Variants in MRPL4 observed in about 807,000 individuals in gnomAD.
The protein encoded by MRPL4 is large ribosomal subunit protein uL4m.
MRPL4 carries 34 observed loss-of-function variants against 34.1 expected under a neutral mutation model. The ratio of observed to expected loss-of-function variants is 1.00; its 90% confidence interval spans 0.76 to 1.33. The LOEUF is 1.33. Among genes scored for constraint, MRPL4 ranks in the 40% most tolerant of loss-of-function variants. The pLI, the probability that MRPL4 is intolerant of heterozygous loss-of-function variation, is 0.00. For missense variants in MRPL4, 402 were observed against 434.6 expected (o/e 0.92, Z 0.67); for synonymous variants, 196 against 188.3 (o/e 1.04, Z -0.33).
chr19:10,257,346 G>A (rs2039861736), intron 5 of MRPL4, among the ~76,000 whole-genome samples: 1 of 152,022 alleles, frequency 6.6e-6, no homozygotes, highest in South Asian at 2.1e-4. Flanking sequence ...ATGCTAACAA[G>A]ATGACTCAGG....
In MRPL4 at chr19:10,259,706, G is replaced by A; in HGVS notation, c.829G>A (p.Asp277Asn). The change falls in exon 9 of 9, where the codon GAC becomes AAC. Residue 277 changes from aspartate to asparagine, a missense_variant. Transcript: ENST00000253099. ...CCTGGAGGACAAGCTGCTCTGGCAG[G>A]ACTCACGTTACAGACCCCTCTACCC... The part of the protein sequence containing the change: ...AFLEDKLLWQ[D>N]SRYRPLYPFS... 1 of 1,613,752 alleles carries A rather than the reference G, an allele frequency of 6.2e-7. No homozygotes were observed. The highest frequency in any genetic ancestry group is 8.5e-7 in the Non-Finnish European group (1 of 1,179,912).
upstream of MRPL4, chr19:10,251,981 C>G (rs2039792602): frequency 3.8e-6 from 2 of 522,082 alleles, no homozygotes; most frequent in Non-Finnish European, 6.7e-6. Context: ...TAGGCTAGGC[C>G]TACGGAAGCT....
chr19:10,252,497 C>T (rs765949195), intron 2 of MRPL4, 34 bp downstream of exon 2: 3 of 1,613,856 alleles, frequency 1.9e-6, no homozygotes, highest in East Asian at 2.2e-5. Context: ...GGAGGGGCGG[C>T]GACAGAGAGG....
chr19:10,259,410 G>A, intron 8 of MRPL4: 2 of 1,408,830 alleles, frequency 1.4e-6, no homozygotes, highest in Non-Finnish European at 1.8e-6. Context: ...GTCAGCAGGT[G>A]ATGAGCTGGG....
Position 10,258,874 on chromosome 19 carries a change from G to A in MRPL4, c.739+189G>A, listed in dbSNP as rs926313581. The A allele has an allele frequency of 2.9e-4, 439 of 1,500,120 alleles. 1 individual carries two copies. In the Middle Eastern group the frequency reaches 4.1e-3, roughly 14 times the overall value. The allele number at this position is 1,500,120 out of a possible 1,614,324, so 92.9% of individuals were successfully genotyped here. ...TGCTTGGCTGGGGATGGTGGCTCAC[G>A]CTTGTAATCCCAGTACTTTGGGAGG... On this transcript the variant is annotated intron_variant, in intron 8 of 8. Coordinates refer to ENST00000253099, the MANE Select transcript of MRPL4 (RefSeq NM_015956.3).
rs766179906 is a variant in MRPL4 at position 10,259,678 on chromosome 19, C to A, written c.801C>A (p.Ala267=). The A allele has an allele frequency of 6.2e-7, 1 of 1,613,356 alleles. No homozygotes were observed. ...TGGTCCTGACGCTGCCCACCGTCGC[C>A]TTCCTGGAGGACAAGCTGCTCTGGC... ...QTLVLTLPTV[A]FLEDKLLWQD... The change falls in exon 9 of 9, where the codon GCC becomes GCA. Residue 267 remains alanine (A), a synonymous_variant. Coordinates refer to ENST00000253099, the MANE Select transcript of MRPL4 (RefSeq NM_015956.3).
chr19:10,252,306 G>T lies in MRPL4; in HGVS notation c.53G>T (p.Ser18Ile), dbSNP rs752784093. The change falls in exon 1 of 9, where the codon AGC becomes ATC. Residue 18 changes from serine (S) to isoleucine (I), a missense_variant. Coordinates refer to ENST00000253099, the MANE Select transcript of MRPL4 (RefSeq NM_015956.3). ...GARAWLRPTG[S>I]QGLSSLAEEA... The stretch of plus-strand genomic sequence containing the variant: ...CGGGCCTGGCTTCGGCCTACCGGCA[G>T]CCAGGTGAGGCCAGGGGCTGGAGGC... 6.2e-7 allele frequency: 1 copy of T among 1,610,036 alleles called. No homozygotes were observed. The highest frequency in any genetic ancestry group is 8.5e-7 in the Non-Finnish European group (1 of 1,177,998).
intron 8 of MRPL4, 99 bp from the exon 9 acceptor site, chr19:10,259,518 G>A: frequency 5.9e-6 from 9 of 1,513,650 alleles, no homozygotes; most frequent in South Asian, 1.2e-5. Flanking sequence ...CCACAGTGAC[G>A]ATCTCTGTAA....
intron 4 of MRPL4, among the ~76,000 whole-genome samples, chr19:10,255,927 C>G (rs974385954): frequency 6.6e-6 from 1 of 152,108 alleles, no homozygotes; most frequent in Non-Finnish European, 1.5e-5. Flanking sequence ...AGGTGGATCA[C>G]TTGAGGCCAG....
Position 10,259,897 on chromosome 19 carries a change from C to A in MRPL4, c.*84C>A. On this transcript the variant is annotated 3_prime_UTR_variant, in exon 9 of 9. Transcript: ENST00000253099. ...CACGCCCACCCTTCGAGGAAGGTGT[C>A]ACCTGGACCCCTTCATTCCACGGAG... The A allele has an allele frequency of 8.1e-7, 1 of 1,236,294 alleles. No homozygotes were observed. Among genetic ancestry groups the A allele is most frequent in the South Asian group, 1.5e-5 (1 of 65,396 alleles). 76.6% of individuals were successfully genotyped at this position (1,236,294 alleles called of 1,614,324 possible).
intron 5 of MRPL4, 85 bp from the exon 6 acceptor site, chr19:10,258,137 C>A: frequency 1.0e-6 from 1 of 957,774 alleles, no homozygotes; most frequent in Admixed American, 2.0e-5. Flanking sequence ...CCTCTCTCGT[C>A]ACCCCATGCC....
intron 6 of MRPL4, 36 bp from the exon 7 acceptor site, chr19:10,258,377 G>A: frequency 6.2e-7 from 1 of 1,613,724 alleles, no homozygotes; most frequent in Non-Finnish European, 8.5e-7. Flanking sequence ...GGGCTGCTCT[G>A]GACCCAGGGT....
intron 8 of MRPL4, chr19:10,259,198 T>G (rs2039883672): frequency 1.6e-6 from 2 of 1,247,916 alleles, no homozygotes; most frequent in Non-Finnish European, 2.0e-6. Flanking sequence ...TGAGCCTAAG[T>G]CAAGTCCTGT....
At position 10,258,499 on chromosome 19, in the gene MRPL4, G is replaced by T. The variant is rs2039873731; in HGVS notation, c.639G>T (p.Gly213=). The T allele has an allele frequency of 1.2e-6, 2 of 1,614,100 alleles. No individual in the cohort carries two copies. The highest frequency in any genetic ancestry group is 1.3e-5 in the African/African-American group (1 of 75,020). ...AGCTGGCGCACTACCGCCGCTGGGG[G>T]GACTCCGTACTCCTCGTGGACTTGT... is the stretch of plus-strand genomic sequence containing the variant. ...LTELAHYRRW[G]DSVLLVDLTH... Residue 213 remains glycine, a synonymous_variant, in exon 7 of 9, where the codon GGG becomes GGT. Transcript: ENST00000253099.
intron 3 of MRPL4, 96 bp from the exon 4 acceptor site, chr19:10,254,492 GC>G (rs1373514918): frequency 6.9e-7 from 1 of 1,445,102 alleles, no homozygotes; most frequent in East Asian, 2.3e-5. Flanking sequence ...ATCGCCCAGG[GC>G]CCTGGAGGCA....
intron 5 of MRPL4, among the ~76,000 whole-genome samples, chr19:10,257,241 TC>T (rs1321543439): frequency 6.6e-6 from 1 of 152,074 alleles, no homozygotes; most frequent in African/African-American, 2.4e-5. Flanking sequence ...TGCACACCTT[TC>T]CCCCTCATCC....
At chr19:10,252,999 G>T in intron 3 of MRPL4, 1 of 401,324 alleles carries the variant, frequency 2.5e-6, no homozygotes, top group Non-Finnish European at 4.5e-6. Context: ...GTCAGCGGTC[G>T]GGAGGTTGCT....
Position 10,258,593 on chromosome 19 carries a change from C to G in MRPL4, c.663-16C>G. ...ACTCTGAGGGTTCAACCCCCACTCC[C>G]TGGCCTCTCTTACAGAACACACGAG... On this transcript the variant is annotated splice_polypyrimidine_tract_variant and intron_variant, in intron 7 of 8. Transcript: ENST00000253099. 1 of 1,614,208 alleles carries G rather than the reference C, an allele frequency of 6.2e-7. No individual in the cohort carries two copies. Among genetic ancestry groups the G allele is most frequent in the Non-Finnish European group, 8.5e-7 (1 of 1,180,030 alleles).
intron 5 of MRPL4, among the ~76,000 whole-genome samples, 164 bp from the exon 6 acceptor site, chr19:10,258,058 G>T (rs979911998): frequency 6.6e-6 from 1 of 151,966 alleles, no homozygotes; most frequent in Admixed American, 6.6e-5. Context: ...AAAGTCACTG[G>T]TCCCATGTTG....
Sources: allele counts gnomAD v4.1 joint callset (sites outside exome capture counted in the v4.1 genomes callset), GRCh38; gene constraint gnomAD v4.1.1; transcripts MANE v1.5; gene names NCBI Gene and HGNC (gene_info 2026-07-23, HGNC 2026-07-21).